NCOA1: variants seen among roughly 807,000 people sequenced by gnomAD.
The protein encoded by NCOA1 is nuclear receptor coactivator 1, also known as Hin-2 protein.
A neutral mutation model predicts 150.9 loss-of-function variants in NCOA1; 35 were observed. The ratio of observed to expected loss-of-function variants is 0.23; its 90% CI spans 0.18 to 0.31. NCOA1 has a LOEUF of 0.31. Among genes scored for constraint, NCOA1 ranks in the 10% least tolerant of loss-of-function variants. The pLI is 1.00. For synonymous variants in NCOA1, 590 were observed against 630.0 expected (o/e 0.94, Z 0.95); for missense variants, 1,491 against 1,749.3 (o/e 0.85, Z 2.63).
intron 1 of NCOA1, among the ~76,000 whole-genome samples, chr2:24,525,205 A>G (rs886513263): frequency 2.0e-5 from 3 of 152,342 alleles, no homozygotes; most frequent in South Asian, 2.1e-4. Context: ...CTGTCATCTA[A>G]TGACCTCTCA....
chr2:24,624,156 C>T (rs919208146), intron 3 of NCOA1, among the ~76,000 whole-genome samples: 4 of 152,062 alleles, frequency 2.6e-5, no homozygotes, highest in South Asian at 2.1e-4. Context: ...TTCTTTGTTA[C>T]TCCATAATTG....
chr2:24,647,317 A>T (rs1364848938), intron 4 of NCOA1, among the ~76,000 whole-genome samples: 4 of 152,212 alleles, frequency 2.6e-5, no homozygotes, highest in African/African-American at 9.6e-5. Context: ...AGATTACCTA[A>T]GACCGATTTC....
Position 24,673,423 on chromosome 2 carries a change from G to A in NCOA1, c.314G>A (p.Gly105Glu). The A allele has an allele frequency of 1.3e-6, 2 of 1,594,818 alleles. No homozygotes were observed. Among genetic ancestry groups the A allele is most frequent in the Non-Finnish European group, 1.7e-6 (2 of 1,173,582 alleles). Residue 105 changes from glycine (G) to glutamate (E), a missense_variant, in exon 7 of 23, where the codon GGA (glycine) becomes GAA (glutamate). Coordinates refer to ENST00000348332, the MANE Select transcript of NCOA1 (RefSeq NM_003743.5). ...TCAGACATCTCATCAAGTAGTCAAGGAGTGATAGAAAAGGAATCCTTGGGA... is the reference window on the plus strand; with the variant it reads ...TCAGACATCTCATCAAGTAGTCAAGAAGTGATAGAAAAGGAATCCTTGGGA... ...QKSDISSSSQ[G>E]VIEKESLGPL...
In NCOA1 at chr2:24,762,748, T is replaced by C. The variant is rs201252444; in HGVS notation, c.4127T>C (p.Leu1376Pro). ...TGCAACCAGCTCTCATCCACTGACCTTCTCAAAACAGAAGCAGATGGAACC... is the reference window on the plus strand; with the variant it reads ...TGCAACCAGCTCTCATCCACTGACCCTCTCAAAACAGAAGCAGATGGAACC... ...LYCNQLSSTDLLKTEADGTQQ... is the reference protein window; with the variant it reads ...LYCNQLSSTDPLKTEADGTQQ... Residue 1376 changes from leucine (L) to proline (P), a missense_variant, in exon 22 of 23, where the codon CTT becomes CCT. Leu to Pro is a moderately conservative substitution (Grantham distance 98). Around this residue, in one of 8 missense-constraint regions of NCOA1, gnomAD observed 46 missense variants for 78.8 expected, o/e 0.58. Transcript: ENST00000348332. 154 of 1,614,046 alleles carry C rather than the reference T, an allele frequency of 9.5e-5. No individual in the cohort carries two copies. In the Admixed American group the frequency reaches 1.2e-3, roughly 13 times the overall value.
intron 22 of NCOA1, among the ~76,000 whole-genome samples, chr2:24,765,498 C>CAA (rs200703883): frequency 4.3e-4 from 52 of 120,954 alleles, no homozygotes; most frequent in African/African-American, 5.1e-4. Flanking sequence ...GACTCTGTCT[C>CAA]AAAAAAAAAA....
rs1223516828 is a variant in NCOA1 at position 24,739,536 on chromosome 2, A to T, written c.3303+3A>T. 1 of 1,604,926 alleles carries T rather than the reference A, an allele frequency of 6.2e-7. No homozygotes were observed. The highest frequency in any genetic ancestry group is 1.7e-5 in the Admixed American group (1 of 59,986). Reference sequence around the variant, plus strand: ...TGCAACAGCAAATTACACCTCAGGTAATGTGAGAAAACCAGACGTCATTAG... The same window carrying T: ...TGCAACAGCAAATTACACCTCAGGTTATGTGAGAAAACCAGACGTCATTAG... On this transcript the variant is annotated splice_donor_region_variant and intron_variant, in intron 18 of 22. Coordinates refer to ENST00000348332, the MANE Select transcript of NCOA1 (RefSeq NM_003743.5).
intron 3 of NCOA1, among the ~76,000 whole-genome samples, chr2:24,627,681 G>GT (rs1297845877): frequency 1.3e-5 from 2 of 152,178 alleles, no homozygotes; most frequent in African/African-American, 4.8e-5. Flanking sequence ...CTGCCATAAT[G>GT]TTTTGGAGAT....
At chr2:24,643,544 T>C (rs1055726497) in intron 3 of NCOA1, among the ~76,000 whole-genome samples, 1 of 152,212 alleles carries the variant, frequency 6.6e-6, no homozygotes, top group Non-Finnish European at 1.5e-5. Context: ...TTTATAAACT[T>C]TTTCAGTTAG....
intron 1 of NCOA1, among the ~76,000 whole-genome samples, chr2:24,520,116 A>C (rs1162947318): frequency 1.3e-5 from 2 of 152,230 alleles, no homozygotes; most frequent in Non-Finnish European, 2.9e-5. Flanking sequence ...GACTGTACTA[A>C]GTGTTGGCAA....
chr2:24,496,913 C>A (rs575952876), intron 1 of NCOA1, among the ~76,000 whole-genome samples: 1 of 152,158 alleles, frequency 6.6e-6, no homozygotes, highest in African/African-American at 2.4e-5. Flanking sequence ...ATATGACTCT[C>A]AAATATTGTA....
rs1673725702 is a variant in NCOA1, at chr2:24,711,085, C to G, written c.2573C>G (p.Thr858Ser). 1 of 1,613,978 alleles carries G rather than the reference C, an allele frequency of 6.2e-7. No homozygotes were observed. Among genetic ancestry groups the G allele is most frequent in the Non-Finnish European group, 8.5e-7 (1 of 1,179,954 alleles). The change falls in exon 14 of 23, where the codon ACT (threonine) becomes AGT (serine). Residue 858 changes from threonine to serine, a missense_variant. Physicochemically the swap from Thr to Ser is moderately conservative, Grantham distance 58. Coordinates refer to ENST00000348332, the MANE Select transcript of NCOA1 (RefSeq NM_003743.5). The stretch of plus-strand genomic sequence containing the variant: ...CTGCCAGCTTCACTTCAGTCCGCCA[C>G]TGCCAGACCCACTTCCAGGCTAAAT... ...EILPASLQSA[T>S]ARPTSRLNRL...
At chr2:24,740,662 C>G (rs1051600911) in intron 18 of NCOA1, among the ~76,000 whole-genome samples, 5 of 152,172 alleles carry the variant, frequency 3.3e-5, no homozygotes, top group African/African-American at 1.2e-4. Flanking sequence ...CAGATATTGA[C>G]ATCTTCATGG....
intron 1 of NCOA1, among the ~76,000 whole-genome samples, chr2:24,537,259 CACACACACAG>C (rs1471846357): frequency 6.6e-6 from 1 of 151,840 alleles, no homozygotes; most frequent in African/African-American, 2.4e-5. Context: ...CACACACACA[CACACACACAG>C]ACACACAAAC....
chr2:24,607,968 C>T (rs912279069), intron 3 of NCOA1, among the ~76,000 whole-genome samples: 9 of 151,940 alleles, frequency 5.9e-5, no homozygotes, highest in Non-Finnish European at 1.2e-4. Flanking sequence ...GCTGGACAAT[C>T]TTATACCAAG....
At chr2:24,682,602 T>A (rs1672227292) in intron 7 of NCOA1, among the ~76,000 whole-genome samples, 7 of 152,186 alleles carry the variant, frequency 4.6e-5, no homozygotes, top group Admixed American at 4.6e-4. Flanking sequence ...CTTTTTGTGC[T>A]ATGCTCTCTC....
chr2:24,716,399 A>G (rs1190050682), intron 14 of NCOA1, among the ~76,000 whole-genome samples: 3 of 152,180 alleles, frequency 2.0e-5, no homozygotes, highest in Non-Finnish European at 4.4e-5. Flanking sequence ...AAACAGACCC[A>G]CATTTATATG....
In NCOA1 at chr2:24,710,947, A is replaced by G. The variant is rs1208915404; in HGVS notation, c.2435A>G (p.Asp812Gly). Residue 812 changes from aspartate to glycine, a missense_variant, in exon 14 of 23, where the codon GAC becomes GGC. Physicochemically the swap from Asp to Gly is moderately conservative, Grantham distance 94 (BLOSUM62 -1). Coordinates refer to ENST00000348332, the MANE Select transcript of NCOA1 (RefSeq NM_003743.5). ...CATTCTTAGTTTACAGCTGACCTTG[A>G]CCAGTTTGATCAGTTACTGCCCACG... is the stretch of plus-strand genomic sequence containing the variant. ...EAQSQFTADL[D>G]QFDQLLPTLE... 2 of 1,613,982 alleles carry G rather than the reference A, an allele frequency of 1.2e-6. No homozygotes were observed. The highest frequency in any genetic ancestry group is 1.7e-6 in the Non-Finnish European group (2 of 1,179,940).
intron 4 of NCOA1, among the ~76,000 whole-genome samples, chr2:24,657,124 C>A (rs188084426): frequency 6.6e-6 from 1 of 152,268 alleles, no homozygotes; most frequent in Admixed American, 6.5e-5. Flanking sequence ...CATTTCTTCC[C>A]GGCACGGAAG....
At chr2:24,686,027 GT>G (rs1304932616) in intron 8 of NCOA1, among the ~76,000 whole-genome samples, 1 of 152,124 alleles carries the variant, frequency 6.6e-6, no homozygotes, top group African/African-American at 2.4e-5. Flanking sequence ...TTGAGACAGA[GT>G]TTCACTCTTG....
Sources: allele counts gnomAD v4.1 joint callset (sites outside exome capture counted in the v4.1 genomes callset), GRCh38; gene constraint gnomAD v4.1.1; regional missense constraint gnomAD v4.1.1; transcripts MANE v1.5; gene names NCBI Gene and HGNC (gene_info 2026-07-23, HGNC 2026-07-21).